EFNB2: variants seen among roughly 807,000 people sequenced by gnomAD.
EFNB2 encodes the protein ephrin B2, also known as ephrin-B2.
EFNB2 carries 5 observed loss-of-function variants against 32.1 expected under a neutral mutation model. The observed-to-expected ratio is 0.16, with a 90% CI of 0.08 to 0.33. The LOEUF is 0.33. Ranked by LOEUF, EFNB2 falls within the 10% of genes least tolerant of loss-of-function variation. The pLI, the probability that EFNB2 is intolerant of heterozygous loss-of-function variation, is 1.00. For synonymous variants in EFNB2, 168 were observed against 166.5 expected (o/e 1.01, Z -0.07); for missense variants, 263 against 422.6 (o/e 0.62, Z 3.31).
intron 3 of EFNB2, 52 bp from the exon 4 acceptor site, chr13:106,495,046 G>C (rs956285226): frequency 3.6e-6 from 5 of 1,380,558 alleles, no homozygotes; most frequent in African/African-American, 1.4e-5. Context: ...ACAATATCTA[G>C]CTTTAGGAGC....
chr13:106,506,279 G>C (rs1036711589), intron 2 of EFNB2: 19 of 152,136 alleles, frequency 1.2e-4, no homozygotes, highest in African/African-American at 4.3e-4. Context: ...TACCACATTA[G>C]GATGCTACTA....
At chr13:106,526,590 G>GA (rs1356509709) in intron 1 of EFNB2, among the ~76,000 whole-genome samples, 4 of 151,992 alleles carry the variant, frequency 2.6e-5, no homozygotes, top group Non-Finnish European at 5.9e-5. Flanking sequence ...AGCAAGGGGG[G>GA]GATTCAAGGC....
At chr13:106,507,904 T>G (rs1413659209) in intron 2 of EFNB2, among the ~76,000 whole-genome samples, 3 of 152,244 alleles carry the variant, frequency 2.0e-5, no homozygotes, top group Non-Finnish European at 4.4e-5. Context: ...CATATGAAGC[T>G]AAATTGGGAG....
chr13:106,512,381 GA>G (rs199572217), intron 2 of EFNB2, 147 bp downstream of exon 2: 3,553 of 323,182 alleles, frequency 0.011, no homozygotes, highest in Middle Eastern at 0.023. Context: ...AGTTTTCTTT[GA>G]AAAAAAAAAA....
intron 1 of EFNB2, chr13:106,520,006 G>A (rs1879446191): frequency 6.6e-6 from 1 of 152,104 alleles, no homozygotes; most frequent in Non-Finnish European, 1.5e-5. Context: ...AGAAGCTGTA[G>A]TAACAAACTT....
At chr13:106,504,792 T>C (rs989845779) in intron 2 of EFNB2, among the ~76,000 whole-genome samples, 3 of 152,178 alleles carry the variant, frequency 2.0e-5, no homozygotes, top group Admixed American at 6.5e-5. Flanking sequence ...CTGCTGCACT[T>C]GTACTTGGCT....
intron 1 of EFNB2, among the ~76,000 whole-genome samples, chr13:106,526,412 G>C (rs575938392): frequency 6.6e-6 from 1 of 152,124 alleles, no homozygotes; most frequent in Non-Finnish European, 1.5e-5. Context: ...ATGACGTACC[G>C]TGTATATGGT....
chr13:106,524,461 G>A (rs1879634541), intron 1 of EFNB2, among the ~76,000 whole-genome samples: 1 of 152,140 alleles, frequency 6.6e-6, no homozygotes, highest in South Asian at 2.1e-4. Flanking sequence ...CTCCCCGTTG[G>A]TATTATGGAT....
intron 1 of EFNB2, among the ~76,000 whole-genome samples, chr13:106,523,225 T>C (rs558358854): frequency 6.6e-6 from 1 of 152,170 alleles, no homozygotes; most frequent in Non-Finnish European, 1.5e-5. Flanking sequence ...AGGTCTGTAC[T>C]GCTACCATCA....
At chr13:106,524,191 TAAGA>T (rs1368968895) in intron 1 of EFNB2, among the ~76,000 whole-genome samples, 1 of 152,210 alleles carries the variant, frequency 6.6e-6, no homozygotes, top group African/African-American at 2.4e-5. Flanking sequence ...ACGACCATCA[TAAGA>T]AAGTGACTAT....
chr13:106,502,602 G>A (rs1046045734), intron 2 of EFNB2, among the ~76,000 whole-genome samples: 24 of 152,172 alleles, frequency 1.6e-4, no homozygotes, highest in African/African-American at 5.6e-4. Flanking sequence ...CATGCTATGC[G>A]AGGCTTGGAC....
chr13:106,532,683 G>A (rs1001113188), intron 1 of EFNB2, among the ~76,000 whole-genome samples: 1 of 152,150 alleles, frequency 6.6e-6, no homozygotes, highest in African/African-American at 2.4e-5. Flanking sequence ...GTTATCAGGA[G>A]AATTTTAAAA....
Position 106,493,035 on chromosome 13 carries a change from C to T in EFNB2, c.*5G>A. On this transcript the variant is annotated 3_prime_UTR_variant, in exon 5 of 5. Transcript: ENST00000646441. This position sits in a 1 kb window ranked among gnomAD's most constrained non-coding sequence, Gnocchi z 6.1. ...GGGAAAGCACAGGTACCACCAGGGTCCCTCTCAGACCTTGTAGTAAATGTT... is the reference window on the plus strand; with the variant it reads ...GGGAAAGCACAGGTACCACCAGGGTTCCTCTCAGACCTTGTAGTAAATGTT... 3.8e-6 allele frequency: 6 copies of T among 1,599,200 alleles called. No homozygotes were observed. Among genetic ancestry groups the T allele is most frequent in the Non-Finnish European group, 5.1e-6 (6 of 1,170,404 alleles).
chr13:106,502,430 C>T (rs1452540001), intron 2 of EFNB2, among the ~76,000 whole-genome samples: 1 of 152,116 alleles, frequency 6.6e-6, no homozygotes, highest in Non-Finnish European at 1.5e-5. Context: ...ACCCAGAGCT[C>T]AGAAAGAAGA....
chr13:106,530,381 C>T (rs1879831690), intron 1 of EFNB2, among the ~76,000 whole-genome samples: 1 of 152,150 alleles, frequency 6.6e-6, no homozygotes, highest in Non-Finnish European at 1.5e-5. Context: ...GAGCACTCCT[C>T]TTTAAGGCTC....
chr13:106,515,327 G>A (rs1641313864), intron 1 of EFNB2, among the ~76,000 whole-genome samples: 1 of 152,166 alleles, frequency 6.6e-6, no homozygotes, highest in South Asian at 2.1e-4. Context: ...CATTCAGTGT[G>A]TACTGTCCAA....
chr13:106,504,135 G>A (rs1054983983), intron 2 of EFNB2, among the ~76,000 whole-genome samples: 4 of 152,188 alleles, frequency 2.6e-5, no homozygotes, highest in East Asian at 1.9e-4. Context: ...GCCAAGATAC[G>A]AAAAGGTCTA....
chr13:106,528,871 A>C (rs573772456), intron 1 of EFNB2, among the ~76,000 whole-genome samples: 1 of 152,330 alleles, frequency 6.6e-6, no homozygotes, highest in South Asian at 2.1e-4. Context: ...GCTGGGCAGC[A>C]CTAACATTTT....
chr13:106,534,076 TGGGCAG>T (rs1566465516), intron 1 of EFNB2, among the ~76,000 whole-genome samples: 1 of 152,188 alleles, frequency 6.6e-6, no homozygotes, highest in Non-Finnish European at 1.5e-5. Context: ...CAGTGTCGAC[TGGGCAG>T]GGCCCTAAGC....
Sources: gnomAD v4.1 joint callset for allele counts (sites outside exome capture counted in the v4.1 genomes callset) on GRCh38, gnomAD v4.1.1 for gene constraint, Gnocchi (gnomAD v3.1) non-coding constraint, MANE v1.5 for transcripts, NCBI Gene and HGNC (gene_info 2026-07-23, HGNC 2026-07-21) for gene names.